Variants in AP5Z1 observed in about 807,000 individuals in gnomAD.
AP5Z1 encodes the protein adaptor related protein complex 5 subunit zeta 1.
Under a neutral mutation model 83.0 loss-of-function variants are expected in AP5Z1, and 106 were observed. That is an observed-to-expected ratio of 1.28 (90% CI 1.09 to 1.50). The LOEUF (loss-of-function observed/expected upper bound fraction) is 1.50, where lower values mean the gene tolerates loss of function less well. Among genes scored for constraint, AP5Z1 ranks in the 40% most tolerant of loss-of-function variants. The pLI is 0.00. For missense variants in AP5Z1, 1,565 were observed against 1,094.2 expected, an observed-to-expected ratio of 1.43 and a Z score of -6.07; for synonymous variants, 751 against 514.1, an observed-to-expected ratio of 1.46 and a Z score of -6.23.
At chr7:4,776,548 C>G (rs894364666) in intron 1 of AP5Z1, among the ~76,000 whole-genome samples, 5 of 137,746 alleles carry the variant, frequency 3.6e-5, no homozygotes, top group Non-Finnish European at 7.6e-5. Context: ...GAAACCACGT[C>G]TCTACTGAAA....
chr7:4,783,182 A>G, intron 3 of AP5Z1, 134 bp from the exon 4 acceptor site: 1 of 1,361,762 alleles, frequency 7.3e-7, no homozygotes, highest in South Asian at 1.5e-5. Context: ...TGCGCGGGAC[A>G]TCCTCCCTGC....
In AP5Z1 at chr7:4,787,768, G is replaced by A; in HGVS notation, c.1446G>A (p.Leu482=). 1 of 1,536,394 alleles carries A rather than the reference G, an allele frequency of 6.5e-7. No homozygotes were observed. Among genetic ancestry groups the A allele is most frequent in the South Asian group, 1.2e-5 (1 of 83,882 alleles). The change falls in exon 11 of 17, where the codon CTG becomes CTA. Residue 482 remains leucine, a synonymous_variant. Coordinates refer to ENST00000649063, the MANE Select transcript of AP5Z1 (RefSeq NM_014855.3). ...CCTGCTTGACGGCGGTGCTGGACCTGCAGCTCAGGTGGGCCCCTCACCCTC... is the reference window on the plus strand; with the variant it reads ...CCTGCTTGACGGCGGTGCTGGACCTACAGCTCAGGTGGGCCCCTCACCCTC... ...DLPCLTAVLD[L]QLRSAPAASE...
rs569992088 is a variant in AP5Z1, at chr7:4,790,771, C to A, written c.2037C>A (p.Phe679Leu). Residue 679 changes from phenylalanine (F) to leucine (L), a missense_variant, in exon 16 of 17, where the codon TTC becomes TTA. Transcript: ENST00000649063. Reference protein sequence around the residue: ...KFFEALEALLFEVTQCRPSAA... With the variant: ...KFFEALEALLLEVTQCRPSAA... ...TCGAAGCCCTGGAGGCTCTGCTATT[C>A]GAGGTCACCCAGTGCCGCCCCTCTG... 6.2e-7 allele frequency: 1 copy of A among 1,608,586 alleles called. No individual in the cohort carries two copies. Among genetic ancestry groups the A allele is most frequent in the East Asian group, 2.2e-5 (1 of 44,752 alleles).
chr7:4,785,729 C>T (rs1359275979), intron 9 of AP5Z1, 45 bp downstream of exon 9: 4 of 1,399,572 alleles, frequency 2.9e-6, no homozygotes, highest in Non-Finnish European at 3.7e-6. Flanking sequence ...TCTGCTTCTG[C>T]CTTTAGTTTT....
chr7:4,785,740 A>AGGAT, intron 9 of AP5Z1, 56 bp downstream of exon 9: 1 of 1,186,882 alleles, frequency 8.4e-7, no homozygotes, highest in Non-Finnish European at 1.1e-6. Context: ...CTTTAGTTTT[A>AGGAT]GGATGGAATT....
At chr7:4,775,805 G>C in intron 1 of AP5Z1, 49 bp downstream of exon 1, 1 of 1,590,318 alleles carries the variant, frequency 6.3e-7, no homozygotes, top group South Asian at 1.1e-5. Context: ...CTCTCCCTAG[G>C]GGCACACGGG....
Position 4,785,625 on chromosome 7 carries a change from G to A in AP5Z1, c.1073G>A (p.Arg358His), listed in dbSNP as rs769661656. 3.7e-5 allele frequency: 59 copies of A among 1,574,608 alleles called. No individual in the cohort carries two copies. Among genetic ancestry groups the A allele is most frequent in the Middle Eastern group, 1.7e-4 (1 of 6,028 alleles). ...SCLKALHGRV[R>H]GDPASVRVLL... is the part of the protein sequence containing the mutation. The stretch of plus-strand genomic sequence containing the variant: ...CTGAAGGCCCTGCACGGGCGGGTGC[G>A]CGGGGACCCGGCCTCTGTGCGGGTG... The change falls in exon 9 of 17, where the codon CGC (arginine) becomes CAC (histidine). Residue 358 changes from arginine to histidine, a missense_variant. By Grantham distance (29) the Arg-to-His change is conservative. Coordinates refer to ENST00000649063, the MANE Select transcript of AP5Z1 (RefSeq NM_014855.3).
chr7:4,782,231 T>C (rs916841477), intron 3 of AP5Z1, among the ~76,000 whole-genome samples: 11 of 152,080 alleles, frequency 7.2e-5, no homozygotes, highest in African/African-American at 2.4e-4. Flanking sequence ...GTTTGTATTT[T>C]TTTGTAGGGA....
intron 7 of AP5Z1, 116 bp downstream of exon 7, chr7:4,785,164 G>GT (rs1781501021): frequency 6.8e-7 from 1 of 1,472,006 alleles, no homozygotes; most frequent in African/African-American, 1.4e-5. Flanking sequence ...GGGTCCCTGG[G>GT]TAGCCGGTTT....
At position 4,791,222 on chromosome 7, in the gene AP5Z1, T is replaced by A. The variant is rs1232604250; in HGVS notation, c.2261T>A (p.Leu754Gln). 6.2e-7 allele frequency: 1 copy of A among 1,612,726 alleles called. No homozygotes were observed. The highest frequency in any genetic ancestry group is 1.1e-5 in the South Asian group (1 of 91,056). Residue 754 changes from leucine to glutamine, a missense_variant, in exon 17 of 17, where the codon CTG (leucine) becomes CAG (glutamine). Transcript: ENST00000649063. ...AEAIRTRATELLTLLKMPSVA... is the reference protein window; with the variant it reads ...AEAIRTRATEQLTLLKMPSVA... ...GCCATCCGTACCCGGGCCACAGAGC[T>A]GCTGACCCTGCTGAAGATGCCTAGC...
At chr7:4,786,469 T>A (rs778733323) in intron 10 of AP5Z1, 41 bp downstream of exon 10, 1 of 1,606,082 alleles carries the variant, frequency 6.2e-7, no homozygotes, top group Non-Finnish European at 8.5e-7. Context: ...AGGGGCATGG[T>A]AAGTCCCTGG....
Position 4,793,257 on chromosome 7 carries a change from T to TTCAG in AP5Z1, c.*1873_*1874insCAGT, listed in dbSNP as rs1491476935. 6.6e-6 allele frequency: 1 copy of TTCAG among 151,716 alleles called. No individual in the cohort carries two copies. The highest frequency in any genetic ancestry group is 1.9e-4 in the East Asian group (1 of 5,192). The allele number at this position is 151,716 out of a possible 1,614,324, so 9.4% of individuals were successfully genotyped here. A position where few individuals can be genotyped will look rare whatever the true frequency, so the allele number is the denominator to read the frequency against. On this transcript the variant is annotated 3_prime_UTR_variant, in exon 17 of 17. Transcript: ENST00000649063. ...AGGGCAAAGCTCACCAGCTCTCAAC[T>TTCAG]TTTTTTTTAAATAAACTGAAATTTT...
intron 7 of AP5Z1, 106 bp downstream of exon 7, chr7:4,785,154 G>A: frequency 1.3e-6 from 2 of 1,484,158 alleles, no homozygotes; most frequent in East Asian, 2.3e-5. Context: ...TCCACAGAGG[G>A]GGTCCCTGGG....
chr7:4,781,527 C>A lies in AP5Z1; in HGVS notation c.180-41C>A. ...GGGCACCGGGTGCTCCTGCCACGGT[C>A]GTGACGTGTTACCGCCCACCACGGG... is the stretch of plus-strand genomic sequence containing the variant. On this transcript the variant is annotated intron_variant, in intron 2 of 16. Transcript: ENST00000649063. The A allele has an allele frequency of 2.5e-6, 4 of 1,590,230 alleles. No homozygotes were observed. In the South Asian group the frequency reaches 4.5e-5, roughly 18 times the overall value.
At chr7:4,790,975 G>C in intron 16 of AP5Z1, 88 bp downstream of exon 16, 1 of 1,480,440 alleles carries the variant, frequency 6.8e-7, no homozygotes, top group Non-Finnish European at 9.0e-7. Flanking sequence ...GTTGTGAAAT[G>C]GTCGCAGCAG....
chr7:4,776,915 C>T (rs954204847), intron 1 of AP5Z1, among the ~76,000 whole-genome samples: 1 of 152,092 alleles, frequency 6.6e-6, no homozygotes, highest in African/African-American at 2.4e-5. Flanking sequence ...AACGAGACTC[C>T]ATGTCAAAAC....
At position 4,781,671 on chromosome 7, in the gene AP5Z1, C is replaced by T. The variant is rs201836482; in HGVS notation, c.283C>T (p.Pro95Ser). ...LCAAILREMS[P>S]SDSLSLAWDH... ...CGCCGCCATCCTGCGAGAGATGTCC[C>T]CCTCTGACAGCCTCAGCCTGGCCTG... Residue 95 changes from proline (P) to serine (S), a missense_variant, in exon 3 of 17, where the codon CCC (proline) becomes TCC (serine). Pro to Ser is a moderately conservative substitution (Grantham distance 74). Coordinates refer to ENST00000649063, the MANE Select transcript of AP5Z1 (RefSeq NM_014855.3). The T allele has an allele frequency of 9.7e-5, 156 of 1,602,600 alleles. No homozygotes were observed. Among genetic ancestry groups the T allele is most frequent in the Non-Finnish European group, 1.3e-4 (152 of 1,171,418 alleles).
At chr7:4,775,827 C>G (rs900375724) in intron 1 of AP5Z1, 71 bp downstream of exon 1, 1 of 1,567,948 alleles carries the variant, frequency 6.4e-7, no homozygotes, top group Non-Finnish European at 8.6e-7. Flanking sequence ...GTGGGTCTCA[C>G]AGGGCAGGGG....
intron 11 of AP5Z1, 64 bp downstream of exon 11, chr7:4,787,840 CCTCCTCGCTG>C: frequency 1.4e-6 from 2 of 1,476,880 alleles, no homozygotes; most frequent in Non-Finnish European, 1.8e-6. Context: ...CACTGGGCCC[CCTCCTCGCTG>C]CTCCTGACCC....
Sources: gnomAD v4.1 joint callset for allele counts (sites outside exome capture counted in the v4.1 genomes callset) on GRCh38, gnomAD v4.1.1 for gene constraint, MANE v1.5 for transcripts, NCBI Gene and HGNC (gene_info 2026-07-23, HGNC 2026-07-21) for gene names.